KIAA1549L: variants seen among roughly 807,000 people sequenced by gnomAD.
The protein encoded by KIAA1549L is KIAA1549 like.
KIAA1549L carries 88 observed loss-of-function variants against 160.7 expected under a neutral mutation model. That is an observed-to-expected ratio of 0.55 (90% CI 0.46 to 0.65). KIAA1549L has a LOEUF of 0.65. KIAA1549L is among the 30% of genes least tolerant of loss of function. KIAA1549L has a pLI of 0.00. For missense variants in KIAA1549L, 2,258 were observed against 2,437.5 expected, an observed-to-expected ratio of 0.93 and a Z score of 1.55; for synonymous variants, 950 against 976.7, an observed-to-expected ratio of 0.97 and a Z score of 0.51.
intron 6 of KIAA1549L, 91 bp downstream of exon 6, chr11:33,552,332 C>A: frequency 1.5e-6 from 2 of 1,365,760 alleles, no homozygotes; most frequent in Non-Finnish European, 2.0e-6. Context: ...CCTTTCAGAG[C>A]TACCATGTAT....
At chr11:33,465,140 C>T (rs1409852359) in intron 1 of KIAA1549L, among the ~76,000 whole-genome samples, 2 of 148,390 alleles carry the variant, frequency 1.3e-5, no homozygotes, top group East Asian at 2.0e-4. Flanking sequence ...ACTGCAACCT[C>T]CGCCTCCCAG....
chr11:33,555,874 A>G (rs1477487372), intron 6 of KIAA1549L, among the ~76,000 whole-genome samples: 1 of 152,260 alleles, frequency 6.6e-6, no homozygotes, highest in East Asian at 1.9e-4. Context: ...AAAGCAATTC[A>G]TAGAATAAAT....
chr11:33,379,894 A>G (rs1392791688), intron 1 of KIAA1549L, among the ~76,000 whole-genome samples: 3 of 152,230 alleles, frequency 2.0e-5, no homozygotes, highest in Non-Finnish European at 2.9e-5. Context: ...CAGGGGATAC[A>G]GAGGTGAATA....
At chr11:33,646,066 C>T (rs1394476407) in intron 17 of KIAA1549L, 30 bp downstream of exon 17, 1 of 1,496,326 alleles carries the variant, frequency 6.7e-7, no homozygotes, top group Non-Finnish European at 9.1e-7. Context: ...CACCTGCCAT[C>T]ATCTGGTCAG....
intron 1 of KIAA1549L, among the ~76,000 whole-genome samples, chr11:33,526,823 TAAAG>T (rs2133137754): frequency 6.6e-6 from 1 of 152,094 alleles, no homozygotes; most frequent in African/African-American, 2.4e-5. Flanking sequence ...AATTGCCACA[TAAAG>T]AAGTCAGAAA....
chr11:33,421,325 G>C (rs1851007273), intron 1 of KIAA1549L, among the ~76,000 whole-genome samples: 2 of 152,194 alleles, frequency 1.3e-5, no homozygotes, highest in African/African-American at 4.8e-5. Context: ...GATCGGAGAG[G>C]AAAGCTCCCC....
At position 33,542,637 on chromosome 11, in the gene KIAA1549L, C is replaced by T. The variant is rs1366311038; in HGVS notation, c.1074C>T (p.Pro358=). 2 of 1,613,808 alleles carry T rather than the reference C, an allele frequency of 1.2e-6. No homozygotes were observed. Among genetic ancestry groups the T allele is most frequent in the Non-Finnish European group, 1.7e-6 (2 of 1,179,868 alleles). The change falls in exon 2 of 21, where the codon CCC becomes CCT. Residue 358 remains proline, a synonymous_variant. Coordinates refer to ENST00000658780, the MANE Select transcript of KIAA1549L (RefSeq NM_012194.3). Reference sequence around the variant, plus strand: ...AACTGTCCCATCCGTCTCCCCCTCCCCCAGCACTTGGAAGTCTTCTTCAGC... The same window carrying T: ...AACTGTCCCATCCGTCTCCCCCTCCTCCAGCACTTGGAAGTCTTCTTCAGC... ...MAELSHPSPP[P]PALGSLLQLP...
chr11:33,550,253 C>T (rs915771001), intron 4 of KIAA1549L, among the ~76,000 whole-genome samples: 4 of 151,410 alleles, frequency 2.6e-5, no homozygotes, highest in South Asian at 2.1e-4. Context: ...CATACATATA[C>T]GTATGTGTAT....
chr11:33,588,305 G>A (rs144268332), intron 11 of KIAA1549L, among the ~76,000 whole-genome samples: 27 of 152,294 alleles, frequency 1.8e-4, no homozygotes, highest in Admixed American at 2.6e-4. Context: ...TAATGGGGGC[G>A]TGAGGGTGTG....
intron 1 of KIAA1549L, among the ~76,000 whole-genome samples, chr11:33,445,520 T>G (rs1208589374): frequency 1.3e-5 from 2 of 152,222 alleles, no homozygotes; most frequent in Non-Finnish European, 2.9e-5. Context: ...CACATATTTT[T>G]GGGGCATTGT....
chr11:33,624,309 C>T lies in KIAA1549L; in HGVS notation c.5409+5647C>T, dbSNP rs114550849. 9.0e-3 allele frequency among the ~76,000 whole-genome samples: 1,372 copies of T among 152,308 alleles called. 11 individuals are homozygous for T. The highest frequency in any genetic ancestry group is 0.032 in the African/African-American group (1,327 of 41,566). Reference sequence around the variant, plus strand: ...CTGAGGACTGACAGCTGGCAGTGTGCCCAGCAGCTGGGGGAATCCATCTTC... The same window carrying T: ...CTGAGGACTGACAGCTGGCAGTGTGTCCAGCAGCTGGGGGAATCCATCTTC... On this transcript the variant is annotated intron_variant, in intron 16 of 20. Coordinates refer to ENST00000658780, the MANE Select transcript of KIAA1549L (RefSeq NM_012194.3).
intron 1 of KIAA1549L, among the ~76,000 whole-genome samples, chr11:33,435,786 A>ATATATGTGTGTGTGTGTGTG (rs1851347672): frequency 5.3e-5 from 1 of 18,970 alleles, no homozygotes; most frequent in South Asian, 1.8e-3. Flanking sequence ...ATATATATAT[A>ATATATGTGTGTGTGTGTGTG]TATATATATA....
At position 33,527,323 on chromosome 11, in the gene KIAA1549L, A is replaced by G. The variant is rs1002458660; in HGVS notation, c.239-14479A>G. 2.4e-4 allele frequency among the ~76,000 whole-genome samples: 37 copies of G among 152,322 alleles called. No homozygotes were observed. In the East Asian group the frequency reaches 3.5e-3, roughly 14 times the overall value. ...AGCCAACTGATCTTCAACAAAACAA[A>G]CAAACAATGTAAAATGGGGAAAGGA... On this transcript the variant is annotated intron_variant, in intron 1 of 20. Transcript: ENST00000658780.
At chr11:33,621,685 T>G (rs539099308) in intron 16 of KIAA1549L, among the ~76,000 whole-genome samples, 3 of 152,154 alleles carry the variant, frequency 2.0e-5, no homozygotes, top group African/African-American at 7.2e-5. Flanking sequence ...GCTGTAAATA[T>G]GATTCTCAGG....
chr11:33,532,046 C>T (rs893715703), intron 1 of KIAA1549L, among the ~76,000 whole-genome samples: 8 of 152,282 alleles, frequency 5.3e-5, no homozygotes, highest in African/African-American at 1.7e-4. Context: ...CTCCTTCCCA[C>T]GTGGTGCAGA....
intron 12 of KIAA1549L, among the ~76,000 whole-genome samples, chr11:33,595,696 A>T (rs887135283): frequency 1.3e-5 from 2 of 152,148 alleles, no homozygotes; most frequent in African/African-American, 4.8e-5. Flanking sequence ...CCCGTTATGA[A>T]TCTTATGTTT....
intron 16 of KIAA1549L, among the ~76,000 whole-genome samples, chr11:33,633,608 C>G (rs574651458): frequency 3.3e-4 from 50 of 152,300 alleles, no homozygotes; most frequent in African/African-American, 1.2e-3. Context: ...TGAAAAAAAG[C>G]AGGTGATGAC....
At position 33,435,759 on chromosome 11, in the gene KIAA1549L, G is replaced by GAGATATATATAT. The variant is rs1429879805; in HGVS notation, c.238+58871_238+58872insGATATATATATA. On this transcript the variant is annotated intron_variant, in intron 1 of 20. Coordinates refer to ENST00000658780, the MANE Select transcript of KIAA1549L (RefSeq NM_012194.3). ...CCTTCCAGAGAAACAGAACCAATAA[G>GAGATATATATAT]ATATATATATATATATATATATATA... Among the ~76,000 whole-genome samples the GAGATATATATAT allele has an allele frequency of 5.5e-3, 82 of 14,962 alleles. 18 individuals are homozygous for GAGATATATATAT. The highest frequency in any genetic ancestry group is 0.01 in the South Asian group (4 of 400). 9.8% of individuals were successfully genotyped at this position (14,962 alleles called of 152,430 possible).
chr11:33,397,874 T>TC (rs397848785), intron 1 of KIAA1549L, among the ~76,000 whole-genome samples: 6 of 151,240 alleles, frequency 4.0e-5, no homozygotes, highest in African/African-American at 1.5e-4. Context: ...TTGTTTTTTT[T>TC]AAATCAGGTT....
Sources: gnomAD v4.1 joint callset for allele counts (sites outside exome capture counted in the v4.1 genomes callset) on GRCh38, gnomAD v4.1.1 for gene constraint, MANE v1.5 for transcripts, NCBI Gene and HGNC (gene_info 2026-07-23, HGNC 2026-07-21) for gene names.